Variants in BRINP3 observed in about 807,000 individuals in gnomAD.
BRINP3 encodes the protein BMP/retinoic acid-inducible neural-specific protein 3.
A neutral mutation model predicts 71.0 loss-of-function variants in BRINP3; 19 were observed. That is an observed-to-expected ratio of 0.27 (90% CI 0.19 to 0.39). BRINP3 has a LOEUF of 0.39. Among genes scored for constraint, BRINP3 ranks in the 10% least tolerant of loss-of-function variants. The pLI, the probability that BRINP3 is intolerant of heterozygous loss-of-function variation, is 1.00. For missense variants in BRINP3, 959 were observed against 940.8 expected (o/e 1.02, Z -0.25); for synonymous variants, 380 against 337.7 (o/e 1.13, Z -1.37).
chr1:190,179,502 G>A (rs191787805), intron 6 of BRINP3, among the ~76,000 whole-genome samples: 1 of 152,164 alleles, frequency 6.6e-6, no homozygotes, highest in East Asian at 1.9e-4. Flanking sequence ...TTTGTCAACC[G>A]AGGTCTTGAC....
At chr1:190,328,360 T>C (rs896714006) in intron 2 of BRINP3, among the ~76,000 whole-genome samples, 2 of 151,964 alleles carry the variant, frequency 1.3e-5, no homozygotes, top group Admixed American at 1.3e-4. Context: ...CACAATCAGA[T>C]ATGACAAATA....
At chr1:190,174,424 A>G (rs1261030632) in intron 6 of BRINP3, among the ~76,000 whole-genome samples, 1 of 152,164 alleles carries the variant, frequency 6.6e-6, no homozygotes, top group African/African-American at 2.4e-5. Flanking sequence ...ATATATACAC[A>G]CATATACATG....
intron 6 of BRINP3, among the ~76,000 whole-genome samples, chr1:190,201,676 TG>T (rs1655015312): frequency 6.6e-6 from 1 of 151,998 alleles, no homozygotes; most frequent in African/African-American, 2.4e-5. Context: ...CTTGGTGTCC[TG>T]CATCCCAGCT....
intron 3 of BRINP3, among the ~76,000 whole-genome samples, chr1:190,271,458 A>G (rs1168290915): frequency 1.3e-5 from 2 of 151,582 alleles, no homozygotes; most frequent in African/African-American, 4.8e-5. Flanking sequence ...TAATAATTCG[A>G]AAGTTGTTAA....
chr1:190,434,266 C>T (rs907298507), intron 2 of BRINP3, among the ~76,000 whole-genome samples: 24 of 152,032 alleles, frequency 1.6e-4, no homozygotes, highest in Middle Eastern at 3.4e-3. Context: ...CCCACCACCA[C>T]GCCTGGCTAA....
chr1:190,416,713 A>G lies in BRINP3; in HGVS notation c.236+37942T>C, dbSNP rs115825305. ...TGAAGTGCCTTACACATATTATCCC[A>G]TATTATCTAAATAATACTATCATAA... On this transcript the variant is annotated intron_variant, in intron 2 of 7. Coordinates refer to ENST00000367462, the MANE Select transcript of BRINP3 (RefSeq NM_199051.3). Among the ~76,000 whole-genome samples, 271 of 152,266 alleles carry G rather than the reference A, an allele frequency of 1.8e-3. 2 individuals carry two copies. Among genetic ancestry groups the G allele is most frequent in the African/African-American group, 6.4e-3 (264 of 41,550 alleles).
At chr1:190,468,888 T>A (rs1182213482) in intron 1 of BRINP3, among the ~76,000 whole-genome samples, 1 of 151,022 alleles carries the variant, frequency 6.6e-6, no homozygotes, top group Non-Finnish European at 1.5e-5. Flanking sequence ...AGACCCTTTT[T>A]TCTTAGGTAT....
chr1:190,195,732 CT>C (rs1654422143), intron 6 of BRINP3, among the ~76,000 whole-genome samples: 1 of 151,702 alleles, frequency 6.6e-6, no homozygotes, highest in Admixed American at 6.6e-5. Context: ...TCATTTTTTT[CT>C]TCCTCTCAGT....
intron 2 of BRINP3, among the ~76,000 whole-genome samples, chr1:190,371,909 T>C (rs1185698756): frequency 6.6e-6 from 1 of 152,164 alleles, no homozygotes; most frequent in Non-Finnish European, 1.5e-5. Context: ...CCAGTACTAT[T>C]ACCCCATGTC....
intron 4 of BRINP3, among the ~76,000 whole-genome samples, chr1:190,262,695 A>G (rs1661292331): frequency 6.6e-6 from 1 of 152,160 alleles, no homozygotes; most frequent in African/African-American, 2.4e-5. Context: ...GTTGACTCCC[A>G]AATTCCAGAT....
intron 6 of BRINP3, among the ~76,000 whole-genome samples, chr1:190,180,961 T>C (rs1652979197): frequency 1.3e-5 from 2 of 152,028 alleles, no homozygotes; most frequent in African/African-American, 4.8e-5. Flanking sequence ...ATAGGCATAA[T>C]TTATGTGTAT....
intron 4 of BRINP3, among the ~76,000 whole-genome samples, chr1:190,237,694 G>A (rs1658659141): frequency 6.6e-6 from 1 of 152,034 alleles, no homozygotes; most frequent in African/African-American, 2.4e-5. Context: ...AAATATCATG[G>A]CCTTTACCTT....
At chr1:190,452,900 A>G in intron 2 of BRINP3, among the ~76,000 whole-genome samples, 1 of 152,070 alleles carries the variant, frequency 6.6e-6, no homozygotes, top group African/African-American at 2.4e-5. Context: ...TTTGCTACTC[A>G]CAGCTGATTG....
chr1:190,374,402 T>C (rs1158255992), intron 2 of BRINP3, among the ~76,000 whole-genome samples: 1 of 152,150 alleles, frequency 6.6e-6, no homozygotes, highest in Non-Finnish European at 1.5e-5. Flanking sequence ...CATGGAAGTA[T>C]TATAATCACC....
At chr1:190,359,351 A>G (rs892328779) in intron 2 of BRINP3, among the ~76,000 whole-genome samples, 1 of 152,058 alleles carries the variant, frequency 6.6e-6, no homozygotes, top group Non-Finnish European at 1.5e-5. Flanking sequence ...TATCAGAAAG[A>G]CCAATGGTGT....
At chr1:190,473,209 G>T (rs569229152) in intron 1 of BRINP3, among the ~76,000 whole-genome samples, 7 of 151,910 alleles carry the variant, frequency 4.6e-5, no homozygotes, top group African/African-American at 1.7e-4. Flanking sequence ...CAATAAAATT[G>T]CTAAGGATTA....
At chr1:190,205,760 C>T (rs1655440741) in intron 6 of BRINP3, among the ~76,000 whole-genome samples, 1 of 151,952 alleles carries the variant, frequency 6.6e-6, no homozygotes, top group Admixed American at 6.6e-5. Context: ...AAAGATAGTC[C>T]TTTTCTTCAT....
chr1:190,384,080 A>C (rs979539628), intron 2 of BRINP3, among the ~76,000 whole-genome samples: 1 of 151,830 alleles, frequency 6.6e-6, no homozygotes, highest in African/African-American at 2.4e-5. Flanking sequence ...CTCTTTTGTC[A>C]TATGGTTTCA....
intron 2 of BRINP3, among the ~76,000 whole-genome samples, chr1:190,335,654 T>C (rs1667240022): frequency 6.6e-6 from 1 of 151,860 alleles, no homozygotes. Flanking sequence ...ACTTTATATA[T>C]AAATTCGAAT....
Sources: gnomAD v4.1 joint callset for allele counts (sites outside exome capture counted in the v4.1 genomes callset) on GRCh38, gnomAD v4.1.1 for gene constraint, MANE v1.5 for transcripts, NCBI Gene and HGNC (gene_info 2026-07-23, HGNC 2026-07-21) for gene names.